Variants in ZNF407 observed in about 807,000 individuals in gnomAD.
ZNF407 encodes zinc finger protein 407.
A neutral mutation model predicts 131.2 loss-of-function variants in ZNF407; 17 were observed. The ratio of observed to expected loss-of-function variants is 0.13; its 90% confidence interval spans 0.09 to 0.19. The LOEUF is 0.19. ZNF407 is among the 10% of genes least tolerant of loss of function. The pLI, the probability that ZNF407 is intolerant of heterozygous loss-of-function variation, is 1.00. For missense variants in ZNF407, 2,681 were observed against 2,830.6 expected, an observed-to-expected ratio of 0.95 and a Z score of 1.20; for synonymous variants, 1,156 against 1,062.0, an observed-to-expected ratio of 1.09 and a Z score of -1.72.
In ZNF407 at chr18:74,634,083, T is replaced by A. The variant is rs1379049752; in HGVS notation, c.3064T>A (p.Cys1022Ser). The A allele has an allele frequency of 6.2e-7, 1 of 1,614,072 alleles. No individual in the cohort carries two copies. Among genetic ancestry groups the A allele is most frequent in the East Asian group, 2.2e-5 (1 of 44,882 alleles). Residue 1022 changes from cysteine to serine, a missense_variant, in exon 2 of 9, where the codon TGT becomes AGT. Physicochemically the swap from Cys to Ser is moderately radical, Grantham distance 112 (BLOSUM62 -1). Around this residue, in one of 6 missense-constraint regions of ZNF407, gnomAD observed 1,789 missense variants for 1,748.7 expected, o/e 1.02. Transcript: ENST00000299687. ...CACAGGTGAGAATAAGTGTTTGCAC[T>A]GTGAGTTTAGTGCTCACTCCTCTGC... is the stretch of plus-strand genomic sequence containing the variant. The part of the protein sequence containing the change: ...TGTGENKCLH[C>S]EFSAHSSASL...
At chr18:74,726,046 G>A (rs939998213) in intron 3 of ZNF407, among the ~76,000 whole-genome samples, 1 of 152,174 alleles carries the variant, frequency 6.6e-6, no homozygotes, top group Admixed American at 6.5e-5. Context: ...CCCAGCTATT[G>A]TAGGGGGCGA....
intron 7 of ZNF407, among the ~76,000 whole-genome samples, chr18:74,916,341 A>AGT (rs369340222): frequency 1.4e-3 from 51 of 35,906 alleles, no homozygotes; most frequent in Admixed American, 5.4e-3. Context: ...TCGAATCGGG[A>AGT]GTGTGTGTGT....
chr18:74,615,775 G>A (rs1434742996), intron 1 of ZNF407, among the ~76,000 whole-genome samples: 1 of 152,178 alleles, frequency 6.6e-6, no homozygotes, highest in African/African-American at 2.4e-5. Context: ...ATAGTCTGAA[G>A]GGGGCCACTG....
intron 3 of ZNF407, among the ~76,000 whole-genome samples, chr18:74,676,980 T>C (rs1264267437): frequency 6.6e-6 from 1 of 152,182 alleles, no homozygotes; most frequent in Non-Finnish European, 1.5e-5. Context: ...CCTCTCCTCT[T>C]CATCCTTTCC....
intron 1 of ZNF407, among the ~76,000 whole-genome samples, chr18:74,601,307 GTGTGTGTGTGTGTGTGTATGTC>G (rs1247887971): frequency 1.8e-4 from 24 of 133,068 alleles, no homozygotes; most frequent in African/African-American, 6.4e-4. Flanking sequence ...TCAGTTAGTT[GTGTGTGTGTGTGTGTGTATGTC>G]TGTGTGTGTG....
intron 7 of ZNF407, among the ~76,000 whole-genome samples, chr18:74,906,416 G>T (rs539068609): frequency 3.6e-4 from 55 of 152,332 alleles, no homozygotes; most frequent in African/African-American, 1.3e-3. Context: ...ACTGTCAGCT[G>T]TGCTGCTCTG....
chr18:74,700,523 C>T (rs1967468008), intron 3 of ZNF407, among the ~76,000 whole-genome samples: 1 of 152,172 alleles, frequency 6.6e-6, no homozygotes, highest in Admixed American at 6.5e-5. Flanking sequence ...TATTTCATTT[C>T]CTCTAGTCTT....
intron 3 of ZNF407, among the ~76,000 whole-genome samples, chr18:74,713,358 C>CTTTTTTTTTT (rs5826345): frequency 1.5e-4 from 13 of 84,422 alleles, no homozygotes; most frequent in Admixed American, 3.9e-4. Context: ...ATTTTAGCAT[C>CTTTTTTTTTT]TTTTTTTTTT....
At chr18:74,693,605 T>C (rs1967281438) in intron 3 of ZNF407, among the ~76,000 whole-genome samples, 1 of 152,182 alleles carries the variant, frequency 6.6e-6, no homozygotes, top group African/African-American at 2.4e-5. Flanking sequence ...TGAGAAGTCG[T>C]TTTGTTCCTC....
intron 7 of ZNF407, among the ~76,000 whole-genome samples, chr18:74,890,476 A>C (rs1444091441): frequency 2.0e-5 from 3 of 152,216 alleles, no homozygotes; most frequent in Non-Finnish European, 2.9e-5. Context: ...GTTACTGTTT[A>C]AAAAACATAA....
At chr18:74,686,462 G>A (rs1967099552) in intron 3 of ZNF407, among the ~76,000 whole-genome samples, 1 of 152,128 alleles carries the variant, frequency 6.6e-6, no homozygotes, top group African/African-American at 2.4e-5. Context: ...GGCACTGCCA[G>A]GCCCAGGTCT....
At chr18:74,716,284 G>T (rs1388957417) in intron 3 of ZNF407, among the ~76,000 whole-genome samples, 2 of 152,142 alleles carry the variant, frequency 1.3e-5, no homozygotes, top group Admixed American at 1.3e-4. Flanking sequence ...TTGCCTTATT[G>T]TGGGAATGTT....
At chr18:74,982,687 C>T (rs747783723) in intron 8 of ZNF407, among the ~76,000 whole-genome samples, 2 of 152,202 alleles carry the variant, frequency 1.3e-5, no homozygotes, top group South Asian at 4.1e-4. Flanking sequence ...TCTCTTCATC[C>T]CACAGCAGGT....
At chr18:75,040,016 G>GTC (rs1006774053) in intron 8 of ZNF407, among the ~76,000 whole-genome samples, 10 of 152,072 alleles carry the variant, frequency 6.6e-5, no homozygotes, top group African/African-American at 2.2e-4. Flanking sequence ...TACCTTGTTG[G>GTC]TCTCTCTCTC....
chr18:74,606,044 C>T (rs1038486655), intron 1 of ZNF407, among the ~76,000 whole-genome samples: 4 of 152,184 alleles, frequency 2.6e-5, no homozygotes, highest in African/African-American at 9.6e-5. Context: ...CACGCCAAAG[C>T]GCCCTAACCC....
At chr18:74,892,033 TTA>T (rs569844039) in intron 7 of ZNF407, among the ~76,000 whole-genome samples, 3 of 152,188 alleles carry the variant, frequency 2.0e-5, no homozygotes, top group Non-Finnish European at 2.9e-5. Flanking sequence ...TCAAACAAGA[TTA>T]TGTATAAAAT....
chr18:74,978,623 A>C (rs1301911707), intron 8 of ZNF407, among the ~76,000 whole-genome samples: 1 of 151,732 alleles, frequency 6.6e-6, no homozygotes, highest in Admixed American at 6.6e-5. Flanking sequence ...TTTAGCGAGG[A>C]GGGACATACT....
At chr18:75,058,405 T>C (rs1353286350) in intron 8 of ZNF407, among the ~76,000 whole-genome samples, 1 of 152,204 alleles carries the variant, frequency 6.6e-6, no homozygotes, top group African/African-American at 2.4e-5. Context: ...GTGAGGACTT[T>C]GTAGATGGGC....
intron 8 of ZNF407, among the ~76,000 whole-genome samples, chr18:75,030,645 C>T (rs1412367475): frequency 3.3e-5 from 5 of 152,188 alleles, no homozygotes; most frequent in Non-Finnish European, 7.3e-5. Flanking sequence ...TCTTTGCCCT[C>T]GGGCTCGGCT....
Sources: allele counts gnomAD v4.1 joint callset (sites outside exome capture counted in the v4.1 genomes callset), GRCh38; gene constraint gnomAD v4.1.1; regional missense constraint gnomAD v4.1.1; transcripts MANE v1.5; gene names NCBI Gene and HGNC (gene_info 2026-07-23, HGNC 2026-07-21).